The following LIX1 variants were observed in gnomAD, a reference collection of about 807,000 sequenced individuals.
LIX1 encodes the protein protein limb expression 1 homolog.
Under a neutral mutation model 33.4 loss-of-function variants are expected in LIX1, and 24 were observed. That is an observed-to-expected ratio of 0.72 (90% CI 0.52 to 1.01). LIX1 has a LOEUF of 1.01. Ranked by LOEUF, LIX1 falls within the 50% of genes least tolerant of loss-of-function variation. LIX1 has a pLI of 0.00. For synonymous variants in LIX1, 124 were observed against 124.0 expected, an observed-to-expected ratio of 1.00 and a Z score of 0.00; for missense variants, 311 against 339.2, an observed-to-expected ratio of 0.92 and a Z score of 0.65.
intron 4 of LIX1, among the ~76,000 whole-genome samples, chr5:97,100,893 GA>G (rs11358378): frequency 0.34 from 39,103 of 113,966 alleles, 6,301 homozygotes; most frequent in African/African-American, 0.51. Flanking sequence ...CTCTGTCTCA[GA>G]AAAAAAAAAA....
intron 1 of LIX1, among the ~76,000 whole-genome samples, chr5:97,127,599 T>C (rs1747961079): frequency 6.6e-6 from 1 of 152,150 alleles, no homozygotes; most frequent in African/African-American, 2.4e-5. Flanking sequence ...TATCAGAAAA[T>C]GCTCTATTTA....
At chr5:97,133,323 T>G (rs1386566992) in intron 1 of LIX1, among the ~76,000 whole-genome samples, 1 of 152,254 alleles carries the variant, frequency 6.6e-6, no homozygotes, top group East Asian at 1.9e-4. Flanking sequence ...CATGCCTCAG[T>G]TCCTCATCTG....
At chr5:97,108,205 C>T (rs1372318028) in intron 2 of LIX1, among the ~76,000 whole-genome samples, 3 of 152,170 alleles carry the variant, frequency 2.0e-5, no homozygotes, top group African/African-American at 7.2e-5. Flanking sequence ...AACATTTGTC[C>T]CCCACCTTCC....
intron 2 of LIX1, among the ~76,000 whole-genome samples, chr5:97,107,998 C>T (rs550986604): frequency 3.3e-5 from 5 of 152,302 alleles, no homozygotes; most frequent in East Asian, 1.9e-4. Context: ...GTTCATTAGT[C>T]TCTCTGCACC....
chr5:97,141,017 T>C (rs1054919517), intron 1 of LIX1, among the ~76,000 whole-genome samples: 1 of 152,226 alleles, frequency 6.6e-6, no homozygotes, highest in Non-Finnish European at 1.5e-5. Flanking sequence ...CTATCTTCTT[T>C]TCTAAACTGT....
At chr5:97,134,377 C>T (rs1224264113) in intron 1 of LIX1, among the ~76,000 whole-genome samples, 1 of 152,232 alleles carries the variant, frequency 6.6e-6, no homozygotes, top group Non-Finnish European at 1.5e-5. Flanking sequence ...GCCTTGGCCT[C>T]CCAAAGGGCT....
intron 3 of LIX1, among the ~76,000 whole-genome samples, chr5:97,106,677 C>A (rs1259828786): frequency 6.6e-6 from 1 of 152,130 alleles, no homozygotes; most frequent in African/African-American, 2.4e-5. Flanking sequence ...AGCTCCAAAT[C>A]ATTCATGGGA....
chr5:97,104,262 A>G (rs1375064645), intron 4 of LIX1, among the ~76,000 whole-genome samples: 1 of 152,192 alleles, frequency 6.6e-6, no homozygotes, highest in Admixed American at 6.5e-5. Flanking sequence ...TTCTTGGAAT[A>G]TAACCTAAGA....
rs931626697 is a variant in LIX1, at chr5:97,092,909, T to G, written c.*1839A>C. 2.6e-5 allele frequency: 4 copies of G among 152,382 alleles called. No homozygotes were observed. Among genetic ancestry groups the G allele is most frequent in the Non-Finnish European group, 5.9e-5 (4 of 68,044 alleles). 9.4% of individuals were successfully genotyped at this position (152,382 alleles called of 1,614,324 possible). On this transcript the variant is annotated 3_prime_UTR_variant, in exon 6 of 6. Transcript: ENST00000274382. ...TAGAACATTTCCTAAATTTTAAAAT[T>G]TATTCAACATAAAAATGTTAATTCT... is the stretch of plus-strand genomic sequence containing the variant.
At chr5:97,130,935 A>G (rs928592425) in intron 1 of LIX1, among the ~76,000 whole-genome samples, 1 of 152,216 alleles carries the variant, frequency 6.6e-6, no homozygotes, top group Non-Finnish European at 1.5e-5. Context: ...AAAATGTGCC[A>G]TGTAGTTTAT....
chr5:97,137,936 A>C (rs1419241690), intron 1 of LIX1, among the ~76,000 whole-genome samples: 1 of 152,198 alleles, frequency 6.6e-6, no homozygotes, highest in Non-Finnish European at 1.5e-5. Context: ...TTGCTCTCTC[A>C]TGCTGCATAT....
intron 4 of LIX1, among the ~76,000 whole-genome samples, chr5:97,102,293 A>G (rs1746750966): frequency 6.6e-6 from 1 of 151,956 alleles, no homozygotes; most frequent in Non-Finnish European, 1.5e-5. Context: ...CACCAGGGGT[A>G]CTGAATTGCT....
intron 2 of LIX1, among the ~76,000 whole-genome samples, chr5:97,110,300 A>C (rs1009831668): frequency 6.6e-6 from 1 of 152,256 alleles, no homozygotes; most frequent in South Asian, 2.1e-4. Context: ...AGGAGAATTA[A>C]AACAAACACA....
intron 2 of LIX1, among the ~76,000 whole-genome samples, chr5:97,118,776 A>G (rs1418134110): frequency 1.3e-5 from 2 of 152,100 alleles, no homozygotes; most frequent in African/African-American, 2.4e-5. Context: ...CTCTTTTTCT[A>G]TCCTGTAGTA....
intron 2 of LIX1, among the ~76,000 whole-genome samples, chr5:97,108,550 G>A (rs1288556349): frequency 1.3e-5 from 2 of 152,288 alleles, no homozygotes; most frequent in Non-Finnish European, 2.9e-5. Context: ...AGCCCCATAA[G>A]TACTGGACTG....
rs3041175 is a variant in LIX1 at position 97,117,921 on chromosome 5, GA to G, written c.246+6544del. On this transcript the variant is annotated intron_variant, in intron 2 of 5. Coordinates refer to ENST00000274382, the MANE Select transcript of LIX1 (RefSeq NM_153234.5). ...CAACACCAAACATTGGTTACAAATG[GA>G]AAAAAAAAAAAAAAGGTCAATCAAC... Among the ~76,000 whole-genome samples, 755 of 140,240 alleles carry G rather than the reference GA, an allele frequency of 5.4e-3. 3 individuals carry two copies. The highest frequency in any genetic ancestry group is 0.016 in the South Asian group (71 of 4,474). The allele number at this position is 140,240 out of a possible 152,430, so 92.0% of individuals were successfully genotyped here.
At position 97,096,814 on chromosome 5, in the gene LIX1, C is replaced by T. The variant is rs570322510; in HGVS notation, c.557G>A (p.Arg186Gln). 2.8e-5 allele frequency: 45 copies of T among 1,612,068 alleles called. No individual in the cohort carries two copies. Among genetic ancestry groups the T allele is most frequent in the African/African-American group, 1.7e-4 (13 of 74,990 alleles). Reference protein sequence around the residue: ...LKALRETKCSRQEVISYYSQY... With the variant: ...LKALRETKCSQQEVISYYSQY... Reference sequence around the variant, plus strand: ...GACTTGATTAGAAAATCTTACCTGTCGGGAACACTTTGTTTCACGAAGGGC... The same window carrying T: ...GACTTGATTAGAAAATCTTACCTGTTGGGAACACTTTGTTTCACGAAGGGC... The change falls in exon 5 of 6, where the codon CGA (arginine) becomes CAA (glutamine). Residue 186 changes from arginine (R) to glutamine (Q), a missense_variant. Arg to Gln is a conservative substitution (Grantham distance 43, BLOSUM62 1). Coordinates refer to ENST00000274382, the MANE Select transcript of LIX1 (RefSeq NM_153234.5).
chr5:97,126,679 G>A (rs555717186), intron 1 of LIX1, among the ~76,000 whole-genome samples: 16 of 125,740 alleles, frequency 1.3e-4, no homozygotes, highest in East Asian at 4.5e-4. Flanking sequence ...TTGCTCAATC[G>A]CCCAGGCTGG....
chr5:97,098,764 C>T (rs1357235546), intron 4 of LIX1, among the ~76,000 whole-genome samples: 1 of 152,116 alleles, frequency 6.6e-6, no homozygotes, highest in African/African-American at 2.4e-5. Flanking sequence ...TTTACATCTG[C>T]TTGCTTGGGA....
Sources: allele counts gnomAD v4.1 joint callset (sites outside exome capture counted in the v4.1 genomes callset), GRCh38; gene constraint gnomAD v4.1.1; transcripts MANE v1.5; gene names NCBI Gene and HGNC (gene_info 2026-07-23, HGNC 2026-07-21).